Variants in TNNI3K observed in about 807,000 individuals in gnomAD.
TNNI3K encodes TNNI3 interacting kinase.
In TNNI3K, 140 loss-of-function variants were observed where a neutral mutation model predicts 114.5. That is an observed-to-expected ratio of 1.22 (90% CI 1.07 to 1.41). The LOEUF (loss-of-function observed/expected upper bound fraction) is 1.41. TNNI3K is among the 40% of genes most tolerant of loss of function. The pLI, the probability that TNNI3K is intolerant of heterozygous loss-of-function variation, is 0.00. For synonymous variants in TNNI3K, 347 were observed against 347.5 expected (o/e 1.00, Z 0.02); for missense variants, 1,125 against 1,007.6 (o/e 1.12, Z -1.58).
intron 20 of TNNI3K, among the ~76,000 whole-genome samples, chr1:74,452,590 A>G (rs530147128): frequency 8.1e-4 from 123 of 152,310 alleles, no homozygotes; most frequent in African/African-American, 2.8e-3. Context: ...TATCTTAAAT[A>G]GTATCCTGCC....
In TNNI3K at chr1:74,236,909, G is replaced by T. The variant is rs377318203; in HGVS notation, c.149+699G>T. Among the ~76,000 whole-genome samples, 7 of 151,902 alleles carry T rather than the reference G, an allele frequency of 4.6e-5. No individual in the cohort carries two copies. In the South Asian group the frequency reaches 1.5e-3, roughly 32 times the overall value. On this transcript the variant is annotated intron_variant, in intron 2 of 24. Transcript: ENST00000326637. Reference sequence around the variant, plus strand: ...CATTAGAGGGTCAAGAAAGTTACCTGCCTGACTAAGGAAAAGTTCCATATA... The same window carrying T: ...CATTAGAGGGTCAAGAAAGTTACCTTCCTGACTAAGGAAAAGTTCCATATA...
chr1:74,316,078 G>A (rs74093686), intron 5 of TNNI3K, among the ~76,000 whole-genome samples: 4,249 of 152,162 alleles, frequency 0.028, 183 homozygotes, highest in African/African-American at 0.096. Flanking sequence ...TATTTACCAA[G>A]CAACTAATAG....
chr1:74,347,499 C>A (rs1251886935), intron 9 of TNNI3K, among the ~76,000 whole-genome samples: 1 of 152,108 alleles, frequency 6.6e-6, no homozygotes, highest in Non-Finnish European at 1.5e-5. Context: ...GATTTATAAT[C>A]CTCTGGGTAT....
chr1:74,341,909 A>C (rs1045688794), intron 7 of TNNI3K: 2 of 152,218 alleles, frequency 1.3e-5, no homozygotes, highest in Admixed American at 6.5e-5. Flanking sequence ...CCTGCATTTT[A>C]CGTCATCAGC....
intron 17 of TNNI3K, among the ~76,000 whole-genome samples, chr1:74,399,416 A>G (rs1455704176): frequency 1.3e-5 from 2 of 152,082 alleles, no homozygotes; most frequent in African/African-American, 4.8e-5. Flanking sequence ...AGGACTTCTG[A>G]CTCAAACCCC....
intron 23 of TNNI3K, among the ~76,000 whole-genome samples, chr1:74,495,556 T>C (rs951800207): frequency 6.6e-6 from 1 of 152,212 alleles, no homozygotes; most frequent in Non-Finnish European, 1.5e-5. Flanking sequence ...TACCTGTCAC[T>C]ATTGAACATC....
At chr1:74,518,339 C>A (rs1275544345) in intron 23 of TNNI3K, among the ~76,000 whole-genome samples, 1 of 152,124 alleles carries the variant, frequency 6.6e-6, no homozygotes, top group Admixed American at 6.6e-5. Flanking sequence ...TTCCACATAG[C>A]CTCTTACTGT....
At chr1:74,330,736 A>G (rs1020763257) in intron 5 of TNNI3K, among the ~76,000 whole-genome samples, 2 of 152,148 alleles carry the variant, frequency 1.3e-5, no homozygotes, top group African/African-American at 4.8e-5. Context: ...CCCTACAAAT[A>G]CCAATCTATG....
At chr1:74,270,450 A>G (rs888641142) in intron 4 of TNNI3K, among the ~76,000 whole-genome samples, 3 of 151,814 alleles carry the variant, frequency 2.0e-5, no homozygotes, top group Non-Finnish European at 4.4e-5. Context: ...GAAAGAAGAA[A>G]GGTTGAAGAT....
chr1:74,275,139 G>C (rs1214210507), intron 5 of TNNI3K, among the ~76,000 whole-genome samples: 1 of 151,944 alleles, frequency 6.6e-6, no homozygotes, highest in Admixed American at 6.6e-5. Context: ...GATTGTATTA[G>C]TCCATTTTCA....
intron 5 of TNNI3K, among the ~76,000 whole-genome samples, chr1:74,289,916 T>C (rs1045725306): frequency 3.3e-5 from 5 of 151,878 alleles, no homozygotes; most frequent in African/African-American, 1.2e-4. Flanking sequence ...AAGGGAGTGC[T>C]CCATGAGCAG....
chr1:74,237,342 G>C (rs1570352792), intron 2 of TNNI3K, among the ~76,000 whole-genome samples: 1 of 151,894 alleles, frequency 6.6e-6, no homozygotes, highest in African/African-American at 2.4e-5. Flanking sequence ...TGGCATGTTA[G>C]TACAGTAGAA....
chr1:74,435,725 C>T (rs557291140), intron 17 of TNNI3K, among the ~76,000 whole-genome samples: 7 of 151,914 alleles, frequency 4.6e-5, no homozygotes, highest in South Asian at 2.1e-4. Context: ...GACTCTAATA[C>T]GCCCATGATG....
At chr1:74,480,754 G>C (rs1221946702) in intron 21 of TNNI3K, 2 of 717,534 alleles carry the variant, frequency 2.8e-6, no homozygotes, top group South Asian at 1.5e-5. Flanking sequence ...TGCTGAAGGT[G>C]TGATCAGTGA....
At chr1:74,510,737 T>C (rs566298709) in intron 23 of TNNI3K, among the ~76,000 whole-genome samples, 1 of 152,332 alleles carries the variant, frequency 6.6e-6, no homozygotes, top group African/African-American at 2.4e-5. Context: ...TGGCTAGCAT[T>C]GAAAAGTTCA....
intron 17 of TNNI3K, among the ~76,000 whole-genome samples, chr1:74,397,337 G>A (rs1458811450): frequency 1.3e-5 from 2 of 152,016 alleles, no homozygotes; most frequent in African/African-American, 4.8e-5. Flanking sequence ...AAGAGAAAGA[G>A]AGAGAATGGC....
intron 17 of TNNI3K, among the ~76,000 whole-genome samples, chr1:74,406,429 A>G (rs1435217767): frequency 6.6e-6 from 1 of 152,116 alleles, no homozygotes; most frequent in African/African-American, 2.4e-5. Flanking sequence ...AAAATTGGGC[A>G]CCCCTGCTCT....
At chr1:74,435,120 G>T (rs1666064435) in intron 17 of TNNI3K, among the ~76,000 whole-genome samples, 1 of 151,858 alleles carries the variant, frequency 6.6e-6, no homozygotes, top group Non-Finnish European at 1.5e-5. Flanking sequence ...ATGTAAAATG[G>T]GCATCAAAGA....
At chr1:74,457,480 G>T (rs1188875211) in intron 20 of TNNI3K, among the ~76,000 whole-genome samples, 4 of 152,126 alleles carry the variant, frequency 2.6e-5, no homozygotes, top group Non-Finnish European at 5.9e-5. Flanking sequence ...GTTTAACAAA[G>T]AATGTGTCTT....
Sources: gnomAD v4.1 joint callset for allele counts (sites outside exome capture counted in the v4.1 genomes callset) on GRCh38, gnomAD v4.1.1 for gene constraint, MANE v1.5 for transcripts, NCBI Gene and HGNC (gene_info 2026-07-23, HGNC 2026-07-21) for gene names.